The following GRIK2 variants were observed in gnomAD, a reference collection of about 807,000 sequenced individuals.
GRIK2 encodes the protein glutamate receptor ionotropic, kainate 2.
Under a neutral mutation model 100.3 loss-of-function variants are expected in GRIK2, and 32 were observed. The ratio of observed to expected loss-of-function variants is 0.32; its 90% confidence interval spans 0.24 to 0.43. The LOEUF (loss-of-function observed/expected upper bound fraction) is 0.43, where lower values mean the gene tolerates loss of function less well. Ranked by LOEUF, GRIK2 falls within the 20% of genes least tolerant of loss-of-function variation. The probability of loss-of-function intolerance (pLI) is 1.00; values close to 1 mark genes in which losing one functional copy is unlikely to be tolerated. For synonymous variants in GRIK2, 417 were observed against 389.4 expected, an observed-to-expected ratio of 1.07 and a Z score of -0.83; for missense variants, 843 against 1,114.9, an observed-to-expected ratio of 0.76 and a Z score of 3.47.
At chr6:101,549,363 C>G (rs560703676) in intron 2 of GRIK2, among the ~76,000 whole-genome samples, 1 of 150,710 alleles carries the variant, frequency 6.6e-6, no homozygotes, top group Non-Finnish European at 1.5e-5. Context: ...TGGCATTTCA[C>G]GGAGACAGAT....
intron 2 of GRIK2, among the ~76,000 whole-genome samples, chr6:101,413,828 T>C (rs1466276340): frequency 6.6e-6 from 1 of 152,028 alleles, no homozygotes; most frequent in Non-Finnish European, 1.5e-5. Context: ...ACACAACTAT[T>C]ATATTTTCAA....
At chr6:101,988,832 G>A (rs564719186) in intron 14 of GRIK2, among the ~76,000 whole-genome samples, 1 of 151,808 alleles carries the variant, frequency 6.6e-6, no homozygotes, top group Non-Finnish European at 1.5e-5. Flanking sequence ...TAGATTTCAA[G>A]ATTTATTTTT....
chr6:101,592,062 C>G (rs1452107612), intron 2 of GRIK2, among the ~76,000 whole-genome samples: 1 of 151,960 alleles, frequency 6.6e-6, no homozygotes, highest in African/African-American at 2.4e-5. Context: ...TCCCCTCAAT[C>G]TCTTTCCTAC....
intron 15 of GRIK2, among the ~76,000 whole-genome samples, chr6:102,042,462 T>TATTA (rs1300021936): frequency 1.3e-5 from 2 of 151,656 alleles, no homozygotes; most frequent in African/African-American, 4.8e-5. Context: ...AAATACCTGT[T>TATTA]ATTAGTGCAG....
At chr6:101,765,503 A>G (rs151308582) in intron 7 of GRIK2, among the ~76,000 whole-genome samples, 174 of 152,234 alleles carry the variant, frequency 1.1e-3, no homozygotes, top group African/African-American at 4.0e-3. Flanking sequence ...TCTAGGAAGA[A>G]TAGTGGAATG....
chr6:101,955,616 C>CTCT (rs1554292263), intron 14 of GRIK2, among the ~76,000 whole-genome samples: 1 of 135,498 alleles, frequency 7.4e-6, no homozygotes, highest in South Asian at 2.3e-4. Context: ...CTCTCTCTCT[C>CTCT]CCCCCCATTT....
chr6:101,649,352 G>A (rs745427540), intron 4 of GRIK2, among the ~76,000 whole-genome samples: 1 of 152,052 alleles, frequency 6.6e-6, no homozygotes, highest in Non-Finnish European at 1.5e-5. Flanking sequence ...GTTATGCAAC[G>A]TGCCCAAGGT....
chr6:101,802,050 T>C (rs1780704229), intron 8 of GRIK2, among the ~76,000 whole-genome samples: 1 of 151,812 alleles, frequency 6.6e-6, no homozygotes, highest in South Asian at 2.1e-4. Flanking sequence ...GTTAAAGAGG[T>C]ACACTACTTA....
At chr6:102,020,666 G>A (rs1460118364) in intron 14 of GRIK2, among the ~76,000 whole-genome samples, 2 of 151,812 alleles carry the variant, frequency 1.3e-5, no homozygotes, top group East Asian at 1.9e-4. Flanking sequence ...GATGTGCCTA[G>A]GTGAAGGTTC....
At chr6:101,786,262 C>CTT (rs35437235) in intron 7 of GRIK2, among the ~76,000 whole-genome samples, 2 of 147,622 alleles carry the variant, frequency 1.4e-5, no homozygotes, top group Non-Finnish European at 3.0e-5. Flanking sequence ...GACAATTTGA[C>CTT]TTTTTTTTTT....
chr6:101,589,449 C>T lies in GRIK2; in HGVS notation c.116-32500C>T, dbSNP rs150716656. 5.7e-3 allele frequency among the ~76,000 whole-genome samples: 865 copies of T among 152,212 alleles called. 4 individuals carry two copies. The highest frequency in any genetic ancestry group is 9.4e-3 in the Non-Finnish European group (640 of 68,000). On this transcript the variant is annotated intron_variant, in intron 2 of 16. Transcript: ENST00000369134. ...CTTTGACCAATATCTCTCCAACACCCACCCACCACCACAACTATTCTAGCT... is the reference window on the plus strand; with the variant it reads ...CTTTGACCAATATCTCTCCAACACCTACCCACCACCACAACTATTCTAGCT...
chr6:101,748,601 T>A (rs1425707782), intron 7 of GRIK2, among the ~76,000 whole-genome samples: 1 of 152,092 alleles, frequency 6.6e-6, no homozygotes, highest in African/African-American at 2.4e-5. Flanking sequence ...CACCAGACTC[T>A]GAGTCCTGCT....
intron 9 of GRIK2, among the ~76,000 whole-genome samples, chr6:101,804,235 T>C (rs539384496): frequency 6.6e-6 from 1 of 152,034 alleles, no homozygotes; most frequent in African/African-American, 2.4e-5. Context: ...AGTAGAAGTA[T>C]GGGGAAACAC....
chr6:101,924,706 T>C lies in GRIK2; in HGVS notation c.1854T>C (p.Ala618=). ...LLNSFWFGVG[A]LMQQGSELMP... ...ATAGTTTCTGGTTTGGAGTTGGAGC[T>C]CTCATGCAGCAAGGTATACGATTCA... Residue 618 remains alanine, a synonymous_variant, in exon 13 of 17, where the codon GCT becomes GCC. Transcript: ENST00000369134. 6.3e-7 allele frequency: 1 copy of C among 1,590,488 alleles called. No homozygotes were observed. The highest frequency in any genetic ancestry group is 8.6e-7 in the Non-Finnish European group (1 of 1,158,412).
chr6:101,625,580 C>T (rs968898771), intron 3 of GRIK2, among the ~76,000 whole-genome samples: 2 of 151,942 alleles, frequency 1.3e-5, no homozygotes, highest in African/African-American at 4.8e-5. Flanking sequence ...GGCCCAAGCT[C>T]GCTATTTGTG....
chr6:101,467,532 G>GT (rs1379023781), intron 2 of GRIK2, among the ~76,000 whole-genome samples: 1 of 152,144 alleles, frequency 6.6e-6, no homozygotes. Flanking sequence ...CTTAAGGTAA[G>GT]CTAAAGTCTT....
At chr6:101,584,303 A>G (rs1046332393) in intron 2 of GRIK2, among the ~76,000 whole-genome samples, 6 of 152,082 alleles carry the variant, frequency 3.9e-5, no homozygotes, top group African/African-American at 1.4e-4. Context: ...CACAATTCAA[A>G]TTATTTTATG....
intron 2 of GRIK2, among the ~76,000 whole-genome samples, chr6:101,516,082 T>C (rs1774568819): frequency 1.3e-5 from 2 of 151,964 alleles, no homozygotes; most frequent in African/African-American, 4.8e-5. Context: ...CCATCTTGAG[T>C]TGAGATGATA....
chr6:101,463,829 G>C (rs529980827), intron 2 of GRIK2, among the ~76,000 whole-genome samples: 1 of 142,642 alleles, frequency 7.0e-6, no homozygotes, highest in Non-Finnish European at 1.6e-5. Context: ...ACATCGTATT[G>C]GTAATTAAAA....
Sources: allele counts gnomAD v4.1 joint callset (sites outside exome capture counted in the v4.1 genomes callset), GRCh38; gene constraint gnomAD v4.1.1; transcripts MANE v1.5; gene names NCBI Gene and HGNC (gene_info 2026-07-23, HGNC 2026-07-21).